Variants in DNAH9 observed in about 807,000 individuals in gnomAD.
DNAH9 encodes the protein DNAH9 variant protein.
DNAH9 carries 345 observed loss-of-function variants against 471.6 expected under a neutral mutation model. That is an observed-to-expected ratio of 0.73 (90% CI 0.67 to 0.80). The LOEUF is 0.80. DNAH9 is among the 30% of genes least tolerant of loss of function. The pLI, the probability that DNAH9 is intolerant of heterozygous loss-of-function variation, is 0.00. For missense variants in DNAH9, 5,407 were observed against 5,609.2 expected (o/e 0.96, Z 1.15); for synonymous variants, 2,093 against 2,123.6 (o/e 0.99, Z 0.40).
intron 4 of DNAH9, chr17:11,612,027 G>A (rs1017653974): frequency 2.7e-5 from 16 of 602,556 alleles, no homozygotes; most frequent in Admixed American, 2.3e-4. Context: ...GCTTTAGTAC[G>A]TGTGTTGGTT....
rs766477187 is a variant in DNAH9 at position 11,769,176 on chromosome 17, T to C, written c.7399T>C (p.Leu2467=). 28 of 1,613,990 alleles carry C rather than the reference T, an allele frequency of 1.7e-5. 1 individual carries two copies. In the East Asian group the frequency reaches 2.0e-4, roughly 12 times the overall value. Residue 2467 remains leucine (L), a synonymous_variant, in exon 38 of 69, where the codon TTG becomes CTG. Coordinates refer to ENST00000262442, the MANE Select transcript of DNAH9 (RefSeq NM_001372.4). ...TIRVCYFMER[L]MARQRPVMLV... is the part of the protein sequence containing the mutation. ...CCGTGTGTGCTACTTCATGGAGCGG[T>C]TGATGGCGCGGCAGCGGCCTGTCAT...
Position 11,962,353 on chromosome 17 carries a change from A to G in DNAH9, c.13233+97A>G. The G allele has an allele frequency of 6.8e-7, 1 of 1,464,728 alleles. No individual in the cohort carries two copies. Among genetic ancestry groups the G allele is most frequent in the South Asian group, 1.5e-5 (1 of 68,880 alleles). 90.7% of individuals were successfully genotyped at this position (1,464,728 alleles called of 1,614,324 possible). A position where few individuals can be genotyped will look rare whatever the true frequency, so the allele number is the denominator to read the frequency against. On this transcript the variant is annotated intron_variant, in intron 68 of 68. Coordinates refer to ENST00000262442, the MANE Select transcript of DNAH9 (RefSeq NM_001372.4). The surrounding 1 kb of genome is among the most constrained non-coding windows in gnomAD (Gnocchi z 4.1). ...TGACTACTAAAAGAGATATTCCTGA[A>G]TCTTTTTCTCTAGCTAACCTTCTTT...
chr17:11,783,643 C>T lies in DNAH9; in HGVS notation c.7719-3C>T, dbSNP rs369459385. On this transcript the variant is annotated splice_region_variant and splice_polypyrimidine_tract_variant and intron_variant, in intron 39 of 68. Coordinates refer to ENST00000262442, the MANE Select transcript of DNAH9 (RefSeq NM_001372.4). The stretch of plus-strand genomic sequence containing the variant: ...TTTCACCTAGAGCTTCTGACTGTTC[C>T]AGGTATGATCGGAGCAAGCTGTCCC... 1.4e-5 allele frequency: 23 copies of T among 1,612,534 alleles called. No individual in the cohort carries two copies. Among genetic ancestry groups the T allele is most frequent in the Non-Finnish European group, 2.0e-5 (23 of 1,178,884 alleles).
intron 61 of DNAH9, 94 bp downstream of exon 61, chr17:11,905,903 T>G (rs1973581797): frequency 7.1e-7 from 1 of 1,411,660 alleles, no homozygotes; most frequent in African/African-American, 1.4e-5. Context: ...GATTCAAGCT[T>G]CAAATATGCA....
At chr17:11,940,761 G>T (rs1193099857) in intron 66 of DNAH9, among the ~76,000 whole-genome samples, 1 of 152,188 alleles carries the variant, frequency 6.6e-6, no homozygotes, top group Non-Finnish European at 1.5e-5. Context: ...CATCAACTCT[G>T]GGAGTTGGGA....
rs147620079 is a variant in DNAH9, at chr17:11,850,275, T to C, written c.9508-3728T>C. 1.1e-3 allele frequency among the ~76,000 whole-genome samples: 161 copies of C among 152,226 alleles called. 1 individual carries two copies. The highest frequency in any genetic ancestry group is 3.7e-3 in the African/African-American group (154 of 41,558). On this transcript the variant is annotated intron_variant, in intron 49 of 68. Transcript: ENST00000262442. ...GCAGATATTTGGGGAAGAGCAGCCA[T>C]ACAGCTAGAACAATAGTCCTAAGAC...
chr17:11,809,654 ACT>A (rs1457974198), intron 44 of DNAH9, among the ~76,000 whole-genome samples: 1 of 152,016 alleles, frequency 6.6e-6, no homozygotes, highest in African/African-American at 2.4e-5. Flanking sequence ...CAAGTACCTC[ACT>A]CTCAGTCAAG....
chr17:11,927,147 A>G (rs1259846850), intron 62 of DNAH9, among the ~76,000 whole-genome samples: 2 of 152,036 alleles, frequency 1.3e-5, no homozygotes, highest in Non-Finnish European at 2.9e-5. Context: ...TTCCTTGTAG[A>G]CTCAGGATAT....
At chr17:11,930,552 T>G (rs1175516961) in intron 63 of DNAH9, among the ~76,000 whole-genome samples, 1 of 152,032 alleles carries the variant, frequency 6.6e-6, no homozygotes, top group Non-Finnish European at 1.5e-5. Context: ...GGATTTGAAA[T>G]GTAACTGCAT....
Position 11,619,668 on chromosome 17 carries a change from G to A in DNAH9, c.1237G>A (p.Glu413Lys). The A allele has an allele frequency of 6.2e-7, 1 of 1,613,908 alleles. No individual in the cohort carries two copies. ...FFKQEFQDRR[E>K]NLHTYFKENQ... ...CAAGCAAGAGTTTCAGGACAGAAGG[G>A]AGAATCTCCACACTTACTTCAAAGA... The change falls in exon 6 of 69, where the codon GAG becomes AAG. Residue 413 changes from glutamate (E) to lysine (K), a missense_variant. Glu to Lys is a moderately conservative substitution (Grantham distance 56). Around this residue, in one of 3 missense-constraint regions of DNAH9, gnomAD observed 767 missense variants for 692.5 expected, o/e 1.11. Coordinates refer to ENST00000262442, the MANE Select transcript of DNAH9 (RefSeq NM_001372.4).
chr17:11,934,872 A>G (rs984523466), intron 65 of DNAH9, among the ~76,000 whole-genome samples: 1 of 152,214 alleles, frequency 6.6e-6, no homozygotes, highest in East Asian at 1.9e-4. Context: ...AAGATCACTC[A>G]GGTCACTCAC....
rs55659834 is a variant in DNAH9, at chr17:11,727,047, C to CAA, written c.5710-742_5710-741dup. Among the ~76,000 whole-genome samples, 60 of 68,466 alleles carry CAA rather than the reference C, an allele frequency of 8.8e-4. 4 individuals are homozygous for CAA. The highest frequency in any genetic ancestry group is 3.7e-3 in the African/African-American group (59 of 15,738). The allele number at this position is 68,466 out of a possible 152,430, so 44.9% of individuals were successfully genotyped here. On this transcript the variant is annotated intron_variant, in intron 27 of 68. Coordinates refer to ENST00000262442, the MANE Select transcript of DNAH9 (RefSeq NM_001372.4). ...TGGGCAACAGAGTGAGACTCCGTCT[C>CAA]AAAAAAAAAAAAAAAAAAAAAAAAA... is the stretch of plus-strand genomic sequence containing the variant.
At chr17:11,762,879 A>C (rs896439473) in intron 35 of DNAH9, among the ~76,000 whole-genome samples, 3 of 145,376 alleles carry the variant, frequency 2.1e-5, no homozygotes, top group African/African-American at 7.7e-5. Context: ...TCCCGGGTTC[A>C]CGCCATTCTT....
chr17:11,679,534 A>G (rs1324999665), intron 17 of DNAH9, among the ~76,000 whole-genome samples: 1 of 152,338 alleles, frequency 6.6e-6, no homozygotes, highest in South Asian at 2.1e-4. Context: ...AGTCTCCTTC[A>G]TCACAAGATA....
chr17:11,767,841 C>G (rs140773825), intron 36 of DNAH9, among the ~76,000 whole-genome samples: 2 of 152,260 alleles, frequency 1.3e-5, no homozygotes, highest in African/African-American at 4.8e-5. Context: ...AAAACCAGTA[C>G]AGCTCTGTCT....
In DNAH9 at chr17:11,891,860, C is replaced by T. The variant is rs1597795444; in HGVS notation, c.11196C>T (p.Asp3732=). 1 of 1,614,144 alleles carries T rather than the reference C, an allele frequency of 6.2e-7. No homozygotes were observed. Among genetic ancestry groups the T allele is most frequent in the African/African-American group, 1.3e-5 (1 of 75,038 alleles). ...GGGAGCGGGTGGCCAACCTAATAGA[C>T]AGCATAACCTTCTCTGTGTACCAGT... ...SLRERVANLI[D]SITFSVYQYT... Residue 3732 remains aspartate, a synonymous_variant, in exon 58 of 69, where the codon GAC becomes GAT. Coordinates refer to ENST00000262442, the MANE Select transcript of DNAH9 (RefSeq NM_001372.4).
At chr17:11,929,160 G>A (rs1974422920) in intron 62 of DNAH9, among the ~76,000 whole-genome samples, 1 of 151,122 alleles carries the variant, frequency 6.6e-6, no homozygotes, top group Admixed American at 6.6e-5. Context: ...TCAGCCTCCT[G>A]AGTAGCTGGG....
intron 48 of DNAH9, among the ~76,000 whole-genome samples, chr17:11,824,229 C>T (rs1419328362): frequency 6.6e-6 from 1 of 152,190 alleles, no homozygotes. Context: ...CCACCTAATT[C>T]TTGGACATCA....
intron 62 of DNAH9, among the ~76,000 whole-genome samples, chr17:11,925,723 G>T (rs1418774556): frequency 4.6e-5 from 7 of 152,134 alleles, no homozygotes; most frequent in Non-Finnish European, 2.9e-5. Context: ...TGATGTGGTT[G>T]CTCAGAGCTC....
Sources: allele counts gnomAD v4.1 joint callset (sites outside exome capture counted in the v4.1 genomes callset), GRCh38; gene constraint gnomAD v4.1.1; regional missense constraint gnomAD v4.1.1; non-coding constraint Gnocchi (gnomAD v3.1); transcripts MANE v1.5; gene names NCBI Gene and HGNC (gene_info 2026-07-23, HGNC 2026-07-21).